Variants in MICAL2 observed in about 807,000 individuals in gnomAD.
The protein encoded by MICAL2 is microtubule associated monooxygenase, calponin and LIM domain containing 2.
In MICAL2, 77 loss-of-function variants were observed where a neutral mutation model predicts 127.3. The observed-to-expected ratio is 0.60, with a 90% CI of 0.50 to 0.73. The LOEUF (loss-of-function observed/expected upper bound fraction) is 0.73. Ranked by LOEUF, MICAL2 falls within the 30% of genes least tolerant of loss-of-function variation. MICAL2 has a pLI of 0.00. For missense variants in MICAL2, 1,351 were observed against 1,434.4 expected (o/e 0.94, Z 0.94); for synonymous variants, 570 against 551.1 (o/e 1.03, Z -0.48).
chr11:12,212,029 G>A (rs1316431333), intron 6 of MICAL2, among the ~76,000 whole-genome samples: 1 of 152,132 alleles, frequency 6.6e-6, no homozygotes, highest in East Asian at 1.9e-4. Context: ...CATGTTCCAC[G>A]GGATGGGCCA....
intron 8 of MICAL2, among the ~76,000 whole-genome samples, chr11:12,217,973 C>G (rs1856392316): frequency 2.0e-5 from 3 of 152,202 alleles, no homozygotes; most frequent in Non-Finnish European, 4.4e-5. Context: ...TTACATTGTT[C>G]TCTTGCTCCC....
chr11:12,155,551 C>T (rs866347990), intron 2 of MICAL2, among the ~76,000 whole-genome samples: 1 of 152,172 alleles, frequency 6.6e-6, no homozygotes. Flanking sequence ...TATGCACACA[C>T]ATACATACAC....
At chr11:12,279,269 C>T (rs1031381646) in intron 1 of MICAL2, among the ~76,000 whole-genome samples, 10 of 152,032 alleles carry the variant, frequency 6.6e-5, no homozygotes, top group South Asian at 2.1e-4. Context: ...GACTTTCCAA[C>T]GGGAGGCTCA....
intron 2 of MICAL2, among the ~76,000 whole-genome samples, chr11:12,285,485 T>C (rs1863816707): frequency 6.6e-6 from 1 of 152,188 alleles, no homozygotes; most frequent in Non-Finnish European, 1.5e-5. Context: ...AACTAAACTA[T>C]AAACTAAGTT....
chr11:12,347,540 T>C (rs1938974793), intron 32 of MICAL2, among the ~76,000 whole-genome samples: 1 of 152,144 alleles, frequency 6.6e-6, no homozygotes, highest in Non-Finnish European at 1.5e-5. Context: ...CTAGCACCAG[T>C]TTGCCCATAA....
intron 13 of MICAL2, 145 bp from the exon 14 acceptor site, chr11:12,226,026 G>T: frequency 1.4e-6 from 1 of 720,246 alleles, no homozygotes; most frequent in Non-Finnish European, 2.4e-6. Flanking sequence ...CTGGGAGTAG[G>T]GGCTGGGGTC....
chr11:12,201,441 A>G (rs1304385150), intron 3 of MICAL2, among the ~76,000 whole-genome samples: 1 of 151,310 alleles, frequency 6.6e-6, no homozygotes, highest in Admixed American at 6.6e-5. Context: ...GCAGAAGGGC[A>G]GTTACCAGAT....
Position 12,149,975 on chromosome 11 carries a change from G to T in MICAL2, c.-78+11515G>T, listed in dbSNP as rs1327769123. ...GGGGCCTCAAGATAAGGCCCCATAA[G>T]TGGCGGTTGCATTTAGCAGCAGTTG... On this transcript the variant is annotated intron_variant, in intron 2 of 27. Coordinates refer to ENST00000683283, the MANE Select transcript of MICAL2 (RefSeq NM_001282663.2). Among the ~76,000 whole-genome samples the T allele has an allele frequency of 2.0e-5, 3 of 152,186 alleles. No individual in the cohort carries two copies. In the East Asian group the frequency reaches 5.8e-4, roughly 29 times the overall value.
chr11:12,305,876 C>T (rs958692804), intron 29 of MICAL2, among the ~76,000 whole-genome samples: 2 of 152,054 alleles, frequency 1.3e-5, no homozygotes, highest in East Asian at 1.9e-4. Context: ...TTTTTAAATG[C>T]GGATTCAAAT....
At chr11:12,212,978 G>A (rs1030087173) in intron 6 of MICAL2, among the ~76,000 whole-genome samples, 1 of 152,090 alleles carries the variant, frequency 6.6e-6, no homozygotes, top group Admixed American at 6.6e-5. Context: ...TCCTTACAAG[G>A]GTACACCCTG....
Position 12,220,425 on chromosome 11 carries a change from G to T in MICAL2, c.1173G>T (p.Leu391=), listed in dbSNP as rs761478969. The T allele has an allele frequency of 3.1e-6, 5 of 1,611,898 alleles. No homozygotes were observed. The South Asian group carries it at 4.4e-5, about 14-fold the overall frequency. The change falls in exon 9 of 28, where the codon CTG becomes CTT. Residue 391 remains leucine (L), a synonymous_variant. Transcript: ENST00000683283. ...TGCGGGAGCGGCAGGCGCACCAGCT[G>T]CTCGTGGCCCTTGTGGGTGACAGCT... is the stretch of plus-strand genomic sequence containing the variant. The part of the protein sequence containing the change: ...ALVRERQAHQ[L]LVALVGDSLL...
intron 3 of MICAL2, among the ~76,000 whole-genome samples, chr11:12,203,085 T>C (rs182070494): frequency 5.1e-4 from 78 of 152,378 alleles, no homozygotes; most frequent in Middle Eastern, 3.4e-3. Context: ...GGTTCATTCA[T>C]GTATTAGAAT....
At chr11:12,180,921 C>CTTTTTTTTTTTTTTTTTTTTTTTTTTTT (rs56946936) in intron 3 of MICAL2, among the ~76,000 whole-genome samples, 1 of 82,474 alleles carries the variant, frequency 1.2e-5, no homozygotes, top group Non-Finnish European at 2.5e-5. Context: ...TATTTTCCTT[C>CTTTTTTTTTTTTTTTTTTTTTTTTTTTT]TTTTTTTTTT....
At chr11:12,324,029 T>C (rs763221522) in exon 31 of MICAL2, 2 of 1,612,962 alleles carry the variant, frequency 1.2e-6, no homozygotes, top group Admixed American at 3.3e-5. Context: ...AATGAAGCAG[T>C]TGGTTAAGCA....
rs900016437 is a variant in MICAL2 at position 12,263,591 on chromosome 11, A to C, written c.*49A>C. 1 of 152,598 alleles carries C rather than the reference A, an allele frequency of 6.6e-6. No individual in the cohort carries two copies. Among genetic ancestry groups the C allele is most frequent in the African/African-American group, 2.4e-5 (1 of 41,424 alleles). 9.5% of individuals were successfully genotyped at this position (152,598 alleles called of 1,614,324 possible). The stretch of plus-strand genomic sequence containing the variant: ...CCTCCCTTTATAGAATGTCAACCAA[A>C]GAGTGCCCTCCTCCCCTCTCAGCCT... On this transcript the variant is annotated 3_prime_UTR_variant, in exon 28 of 28. Transcript: ENST00000683283.
At chr11:12,230,883 T>A (rs1451553203) in intron 15 of MICAL2, among the ~76,000 whole-genome samples, 8 of 152,226 alleles carry the variant, frequency 5.3e-5, no homozygotes, top group African/African-American at 1.9e-4. Context: ...TTCTGAAAAC[T>A]GGGCAGCCCA....
intron 3 of MICAL2, among the ~76,000 whole-genome samples, chr11:12,163,920 C>T (rs1310596563): frequency 1.3e-5 from 2 of 152,014 alleles, no homozygotes; most frequent in Non-Finnish European, 2.9e-5. Flanking sequence ...CCCAGTTGCA[C>T]TGTGTTCTCT....
Position 12,159,426 on chromosome 11 carries a change from C to T in MICAL2, c.-77-2653C>T, listed in dbSNP as rs188425372. Among the ~76,000 whole-genome samples the T allele has an allele frequency of 4.6e-5, 7 of 152,330 alleles. No homozygotes were observed. The East Asian group carries it at 7.7e-4, about 17-fold the overall frequency. On this transcript the variant is annotated intron_variant, in intron 2 of 27. Coordinates refer to ENST00000683283, the MANE Select transcript of MICAL2 (RefSeq NM_001282663.2). The stretch of plus-strand genomic sequence containing the variant: ...TGCCTCCTGTGGTAGATGCAGTGTG[C>T]GTTACCACATCTACTGAGTGCCTGC...
At chr11:12,197,592 T>C (rs1590299372) in intron 3 of MICAL2, 1 of 152,184 alleles carries the variant, frequency 6.6e-6, no homozygotes, top group Admixed American at 6.6e-5. Flanking sequence ...GGTACAGGGG[T>C]GGCCCTCACA....
Sources: allele counts gnomAD v4.1 joint callset (sites outside exome capture counted in the v4.1 genomes callset), GRCh38; gene constraint gnomAD v4.1.1; transcripts MANE v1.5; gene names NCBI Gene and HGNC (gene_info 2026-07-23, HGNC 2026-07-21).